The following PHLDB1 variants were observed in gnomAD, a reference collection of about 807,000 sequenced individuals.
The protein encoded by PHLDB1 is pleckstrin homology-like domain family B member 1.
Under a neutral mutation model 139.3 loss-of-function variants are expected in PHLDB1, and 65 were observed. The observed-to-expected ratio is 0.47, with a 90% CI of 0.38 to 0.57. The LOEUF (loss-of-function observed/expected upper bound fraction) is 0.57, where lower values mean the gene tolerates loss of function less well. Among genes scored for constraint, PHLDB1 ranks in the 20% least tolerant of loss-of-function variants. PHLDB1 has a pLI of 0.00. For missense variants in PHLDB1, 1,624 were observed against 1,839.7 expected, an observed-to-expected ratio of 0.88 and a Z score of 2.14; for synonymous variants, 679 against 734.5, an observed-to-expected ratio of 0.92 and a Z score of 1.22.
rs1555114615 is a variant in PHLDB1, at chr11:118,635,443, C to G, written c.2430C>G (p.Phe810Leu). The part of the protein sequence containing the change: ...TETKLFEDLE[F>L]QQLERESRVE... Reference sequence around the variant, plus strand: ...CAAAGCTCTTTGAGGACTTGGAGTTCCAGCAGTTGGAGCGGGAGAGCCGCG... The same window carrying G: ...CAAAGCTCTTTGAGGACTTGGAGTTGCAGCAGTTGGAGCGGGAGAGCCGCG... The change falls in exon 10 of 23, where the codon TTC becomes TTG. Residue 810 changes from phenylalanine to leucine, a missense_variant. Transcript: ENST00000600882. 6.2e-7 allele frequency: 1 copy of G among 1,611,790 alleles called. No individual in the cohort carries two copies. The highest frequency in any genetic ancestry group is 1.7e-5 in the Admixed American group (1 of 59,432).
chr11:118,620,095 G>A lies in PHLDB1; in HGVS notation c.355+3884G>A, dbSNP rs539750684. Among the ~76,000 whole-genome samples the A allele has an allele frequency of 2.0e-5, 3 of 152,334 alleles. No homozygotes were observed. Among genetic ancestry groups the A allele is most frequent in the South Asian group, 2.1e-4 (1 of 4,826 alleles). ...GACACTGTGTCAGGCTGTGTGAGCTGCTGAGAGCATAAAACATTGTGTCCC... is the reference window on the plus strand; with the variant it reads ...GACACTGTGTCAGGCTGTGTGAGCTACTGAGAGCATAAAACATTGTGTCCC... On this transcript the variant is annotated intron_variant, in intron 4 of 22. Transcript: ENST00000600882. The surrounding 1 kb of genome is among the most constrained non-coding windows in gnomAD (Gnocchi z 4.1).
At chr11:118,622,252 G>T (rs1591519984) in intron 4 of PHLDB1, among the ~76,000 whole-genome samples, 1 of 152,334 alleles carries the variant, frequency 6.6e-6, no homozygotes, top group Non-Finnish European at 1.5e-5. Context: ...TGCGGGTTGG[G>T]GTGGGAGTGG....
At position 118,611,108 on chromosome 11, in the gene PHLDB1, A is replaced by T. The variant is rs560340824; in HGVS notation, c.-21-2708A>T. The stretch of plus-strand genomic sequence containing the variant: ...TGAGGGACGTCCCTCGCGTAGCGCC[A>T]CTCAGCCGCCGGGGCCAGAGCGGGA... On this transcript the variant is annotated intron_variant, in intron 1 of 22. Transcript: ENST00000600882. This position sits in a 1 kb window ranked among gnomAD's most constrained non-coding sequence, Gnocchi z 4.7. Among the ~76,000 whole-genome samples the T allele has an allele frequency of 1.3e-5, 2 of 152,212 alleles. No homozygotes were observed. Among genetic ancestry groups the T allele is most frequent in the East Asian group, 3.9e-4 (2 of 5,156 alleles).
chr11:118,628,855 ATTT>A (rs1944316684), intron 6 of PHLDB1, among the ~76,000 whole-genome samples: 1 of 152,270 alleles, frequency 6.6e-6, no homozygotes. Context: ...CTAAGACTTT[ATTT>A]TAAATTCTTG....
chr11:118,645,022 T>C lies in PHLDB1; in HGVS notation c.3122-334T>C. On this transcript the variant is annotated intron_variant, in intron 15 of 22. Coordinates refer to ENST00000600882, the MANE Select transcript of PHLDB1 (RefSeq NM_001144758.3). This position sits in a 1 kb window ranked among gnomAD's most constrained non-coding sequence, Gnocchi z 5.1. ...GCAGGGTGGGTGCATGTATCCTGCCTAGACCTACTTAGGCCTTGGTTGTGA... is the reference window on the plus strand; with the variant it reads ...GCAGGGTGGGTGCATGTATCCTGCCCAGACCTACTTAGGCCTTGGTTGTGA... 1 of 353,566 alleles carries C rather than the reference T, an allele frequency of 2.8e-6. No individual in the cohort carries two copies. Among genetic ancestry groups the C allele is most frequent in the Non-Finnish European group, 5.1e-6 (1 of 194,294 alleles). 21.9% of individuals were successfully genotyped at this position (353,566 alleles called of 1,614,324 possible). A position where few individuals can be genotyped will look rare whatever the true frequency, so the allele number is the denominator to read the frequency against.
chr11:118,632,353 G>C lies in PHLDB1; in HGVS notation c.2379+57G>C. ...GTACCAGTGGCCTGGGAGAGAAGGA[G>C]AAATGTCTTCTCTGGGGCCCTGTAC... is the stretch of plus-strand genomic sequence containing the variant. On this transcript the variant is annotated intron_variant, in intron 9 of 22. Transcript: ENST00000600882. The surrounding 1 kb of genome is among the most constrained non-coding windows in gnomAD (Gnocchi z 5.9). 1.3e-6 allele frequency: 2 copies of C among 1,558,986 alleles called. No individual in the cohort carries two copies. Among genetic ancestry groups the C allele is most frequent in the Non-Finnish European group, 1.8e-6 (2 of 1,132,428 alleles).
At chr11:118,646,106 A>G (rs1429327744) in intron 17 of PHLDB1, among the ~76,000 whole-genome samples, 2 of 152,014 alleles carry the variant, frequency 1.3e-5, no homozygotes, top group Non-Finnish European at 2.9e-5. Flanking sequence ...TGAAAATACA[A>G]AAAATTAGCT....
At chr11:118,648,440 A>G (rs1555132364) in intron 18 of PHLDB1, among the ~76,000 whole-genome samples, 2 of 151,998 alleles carry the variant, frequency 1.3e-5, no homozygotes, top group African/African-American at 4.8e-5. Flanking sequence ...GTCAAGAATC[A>G]GAGTGGCTCC....
chr11:118,630,231 G>A (rs1944574169), intron 6 of PHLDB1: 1 of 419,662 alleles, frequency 2.4e-6, no homozygotes, highest in South Asian at 1.8e-5. Flanking sequence ...CAGGCCTATA[G>A]GTAGGCCTGC....
chr11:118,631,421 G>A lies in PHLDB1; in HGVS notation c.2042G>A (p.Arg681His), dbSNP rs782104446. Residue 681 changes from arginine (R) to histidine (H), a missense_variant, in exon 7 of 23, where the codon CGC becomes CAC. Physicochemically the swap from Arg to His is conservative, Grantham distance 29. Transcript: ENST00000600882. ...ATQRLWESMERSDEENLKEEC... is the reference protein window; with the variant it reads ...ATQRLWESMEHSDEENLKEEC... ...CAACGCCTATGGGAGAGTATGGAGC[G>A]CTCAGATGAGGAAAATCTCAAGGAG... The A allele has an allele frequency of 2.0e-5, 29 of 1,458,102 alleles. No individual in the cohort carries two copies. Among genetic ancestry groups the A allele is most frequent in the South Asian group, 1.9e-4 (13 of 67,298 alleles). The allele number at this position is 1,458,102 out of a possible 1,614,324, so 90.3% of individuals were successfully genotyped here. A position where few individuals can be genotyped will look rare whatever the true frequency, so the allele number is the denominator to read the frequency against.
chr11:118,656,613 G>A, intron 22 of PHLDB1, 70 bp from the exon 23 acceptor site: 1 of 1,493,066 alleles, frequency 6.7e-7, no homozygotes, highest in East Asian at 2.3e-5. Flanking sequence ...AGGGCAGATA[G>A]GGAGGCAGGT....
chr11:118,635,306 T>C (rs1945464571), intron 9 of PHLDB1, 87 bp from the exon 10 acceptor site: 2 of 1,438,440 alleles, frequency 1.4e-6, no homozygotes, highest in Non-Finnish European at 1.9e-6. Context: ...TCCAGCCCCA[T>C]ACAACGCATG....
Position 118,650,144 on chromosome 11 carries a change from C to A in PHLDB1, c.3722C>A (p.Ser1241Ter). The A allele has an allele frequency of 1.2e-6, 2 of 1,614,184 alleles. No individual in the cohort carries two copies. The highest frequency in any genetic ancestry group is 2.2e-5 in the South Asian group (2 of 91,072). Residue 1241 changes from serine to a stop codon, truncating the protein, a stop_gained, in exon 19 of 23, where the codon TCA becomes TAA. Coordinates refer to ENST00000600882, the MANE Select transcript of PHLDB1 (RefSeq NM_001144758.3). LOFTEE classifies it high-confidence loss of function. This position sits in a 1 kb window ranked among gnomAD's most constrained non-coding sequence, Gnocchi z 4.7. ...EDFDLKTHIESSGHGVDTCLH... is the reference protein window; with the variant it reads ...EDFDLKTHIE ...TTTGACCTGAAGACACATATTGAGT[C>A]ATCGGGCCATGGTGTTGATACCTGC...
At chr11:118,609,985 G>T (rs968222643) in intron 1 of PHLDB1, among the ~76,000 whole-genome samples, 3 of 151,342 alleles carry the variant, frequency 2.0e-5, no homozygotes, top group Admixed American at 1.3e-4. Flanking sequence ...GTCCCGGTGG[G>T]CCCCAGCCTC....
chr11:118,642,143 C>G, intron 12 of PHLDB1, 111 bp from the exon 13 acceptor site: 2 of 1,031,156 alleles, frequency 1.9e-6, no homozygotes, highest in Non-Finnish European at 3.0e-6. Context: ...CCTTCTTCCT[C>G]TTCTTTCTTC....
intron 22 of PHLDB1, among the ~76,000 whole-genome samples, chr11:118,656,301 G>A (rs1046431657): frequency 1.4e-4 from 22 of 152,134 alleles, no homozygotes; most frequent in Non-Finnish European, 3.1e-4. Flanking sequence ...CCCAGGGCCT[G>A]GCATCCTACT....
intron 3 of PHLDB1, chr11:118,615,770 C>T (rs1941507351): frequency 2.6e-6 from 1 of 390,812 alleles, no homozygotes; most frequent in African/African-American, 2.1e-5. Flanking sequence ...CTTCCTTCTC[C>T]ATCTGTGGAG....
At chr11:118,648,533 G>C (rs1555132478) in intron 18 of PHLDB1, among the ~76,000 whole-genome samples, 1 of 152,038 alleles carries the variant, frequency 6.6e-6, no homozygotes, top group Non-Finnish European at 1.5e-5. Flanking sequence ...TGCCCCTCCT[G>C]CATGTGGAAC....
chr11:118,642,434 A>C (rs1555122277), intron 13 of PHLDB1, 40 bp downstream of exon 13: 4 of 1,589,960 alleles, frequency 2.5e-6, no homozygotes, highest in Non-Finnish European at 3.4e-6. Flanking sequence ...CAGCCTTTGC[A>C]CCTGTCCACT....
Sources: gnomAD v4.1 joint callset for allele counts (sites outside exome capture counted in the v4.1 genomes callset) on GRCh38, gnomAD v4.1.1 for gene constraint, Gnocchi (gnomAD v3.1) non-coding constraint, MANE v1.5 for transcripts, NCBI Gene and HGNC (gene_info 2026-07-23, HGNC 2026-07-21) for gene names.